The following ZNF341 variants were observed in gnomAD, a reference collection of about 807,000 sequenced individuals.
ZNF341 encodes zinc finger protein 341.
In ZNF341, 52 loss-of-function variants were observed where a neutral mutation model predicts 87.7. The observed-to-expected ratio is 0.59, with a 90% confidence interval of 0.47 to 0.75. The LOEUF (loss-of-function observed/expected upper bound fraction) is 0.75, where lower values mean the gene tolerates loss of function less well. Ranked by LOEUF, ZNF341 falls within the 30% of genes least tolerant of loss-of-function variation. ZNF341 has a pLI of 0.00. For synonymous variants in ZNF341, 459 were observed against 472.7 expected (o/e 0.97, Z 0.38); for missense variants, 977 against 1,145.9 (o/e 0.85, Z 2.13).
chr20:33,737,570 C>G (rs1192899769), intron 1 of ZNF341, among the ~76,000 whole-genome samples: 1 of 152,174 alleles, frequency 6.6e-6, no homozygotes, highest in African/African-American at 2.4e-5. Flanking sequence ...ATCTGCCCAC[C>G]TTGGCCTCCC....
At chr20:33,782,084 A>C (rs865800974) in intron 11 of ZNF341, among the ~76,000 whole-genome samples, 1 of 152,168 alleles carries the variant, frequency 6.6e-6, no homozygotes, top group Non-Finnish European at 1.5e-5. Context: ...TTGGGATTAC[A>C]GGTATGAGCC....
Position 33,732,164 on chromosome 20 carries a change from G to C in ZNF341, c.31+112G>C, listed in dbSNP as rs1435731528. ...CAGCGGCCGCGGGGCGGAGGGCGCCGGGGCTGGAACAGCCGCGGGGCGGGA... is the reference window on the plus strand; with the variant it reads ...CAGCGGCCGCGGGGCGGAGGGCGCCCGGGCTGGAACAGCCGCGGGGCGGGA... On this transcript the variant is annotated intron_variant, in intron 1 of 14. Transcript: ENST00000375200. The surrounding 1 kb of genome is among the most constrained non-coding windows in gnomAD (Gnocchi z 4.5). 1 of 887,566 alleles carries C rather than the reference G, an allele frequency of 1.1e-6. No homozygotes were observed. Among genetic ancestry groups the C allele is most frequent in the Non-Finnish European group, 1.3e-6 (1 of 740,904 alleles). The allele number at this position is 887,566 out of a possible 1,614,324, so 55.0% of individuals were successfully genotyped here.
rs767175423 is a variant in ZNF341 at position 33,757,223 on chromosome 20, C to T, written c.817C>T (p.Pro273Ser). 1.2e-6 allele frequency: 2 copies of T among 1,601,916 alleles called. No homozygotes were observed. Among genetic ancestry groups the T allele is most frequent in the Non-Finnish European group, 8.5e-7 (1 of 1,175,042 alleles). ...VYSPGKQGFK[P>S]KGPNPAAPMT... ...CAGCCCTGGCAAACAGGGATTCAAA[C>T]CCAAAGGACCAAACCCCGCCGCCCC... The change falls in exon 6 of 15, where the codon CCC (proline) becomes TCC (serine). Residue 273 changes from proline (P) to serine (S), a missense_variant. By Grantham distance (74) the Pro-to-Ser change is moderately conservative. Coordinates refer to ENST00000375200, the MANE Select transcript of ZNF341 (RefSeq NM_001282933.2).
chr20:33,748,801 T>C, intron 3 of ZNF341, 122 bp from the exon 4 acceptor site: 1 of 946,366 alleles, frequency 1.1e-6, no homozygotes. Flanking sequence ...CTGGATCTTT[T>C]GTGCCATGCC....
At chr20:33,744,198 G>A (rs919896013) in intron 2 of ZNF341, among the ~76,000 whole-genome samples, 2 of 151,860 alleles carry the variant, frequency 1.3e-5, no homozygotes, top group African/African-American at 4.8e-5. Context: ...CAGGAGAATC[G>A]CATGAATATG....
intron 3 of ZNF341, among the ~76,000 whole-genome samples, chr20:33,748,559 G>T (rs530420212): frequency 1.3e-5 from 2 of 151,990 alleles, no homozygotes; most frequent in East Asian, 3.9e-4. Context: ...GTAGAGACAG[G>T]GTTTCACCAT....
intron 1 of ZNF341, among the ~76,000 whole-genome samples, chr20:33,739,783 C>G (rs536234616): frequency 6.6e-6 from 1 of 152,250 alleles, no homozygotes; most frequent in African/African-American, 2.4e-5. Flanking sequence ...AAGGTTATTT[C>G]TTTCACATGA....
At chr20:33,770,821 A>G (rs1224996670) in intron 10 of ZNF341, among the ~76,000 whole-genome samples, 1 of 152,156 alleles carries the variant, frequency 6.6e-6, no homozygotes, top group African/African-American at 2.4e-5. Context: ...AATAAAATAC[A>G]TTTTAAAATG....
intron 12 of ZNF341, among the ~76,000 whole-genome samples, chr20:33,784,280 C>T: frequency 4.0e-5 from 1 of 24,828 alleles, no homozygotes; most frequent in Non-Finnish European, 8.1e-5. Flanking sequence ...ATCTCCCTCA[C>T]CCTCCCCATC....
intron 14 of ZNF341, 51 bp downstream of exon 14, chr20:33,789,639 T>C: frequency 1.9e-6 from 3 of 1,586,784 alleles, no homozygotes; most frequent in Non-Finnish European, 1.7e-6. Flanking sequence ...TCTAGTTCAC[T>C]GGGATAGACC....
chr20:33,775,606 A>G (rs981136763), intron 10 of ZNF341, among the ~76,000 whole-genome samples: 1 of 151,878 alleles, frequency 6.6e-6, no homozygotes, highest in African/African-American at 2.4e-5. Flanking sequence ...GTGAACAGGA[A>G]TTCTCCATCC....
chr20:33,760,202 A>G (rs2019263658), intron 7 of ZNF341, among the ~76,000 whole-genome samples: 1 of 152,184 alleles, frequency 6.6e-6, no homozygotes, highest in South Asian at 2.1e-4. Context: ...CAGGAGTTCA[A>G]GACCAGCCTG....
rs1173912020 is a variant in ZNF341 at position 33,791,250 on chromosome 20, C to G, written c.2298C>G (p.Pro766=). 2 of 1,611,878 alleles carry G rather than the reference C, an allele frequency of 1.2e-6. No homozygotes were observed. The highest frequency in any genetic ancestry group is 1.7e-6 in the Non-Finnish European group (2 of 1,179,532). ...GTGGTGGGCGCAAGGTGCTGACCCCCTTGCCTGACCCGCTGGGGCTGGAGG... is the reference window on the plus strand; with the variant it reads ...GTGGTGGGCGCAAGGTGCTGACCCCGTTGCCTGACCCGCTGGGGCTGGAGG... ...CGSGGRKVLT[P]LPDPLGLEEL... Residue 766 remains proline (P), a synonymous_variant, in exon 15 of 15, where the codon CCC becomes CCG. Transcript: ENST00000375200.
chr20:33,767,064 G>T (rs1426192764), intron 9 of ZNF341, 23 bp downstream of exon 9: 1 of 1,600,554 alleles, frequency 6.2e-7, no homozygotes, highest in Non-Finnish European at 8.5e-7. Flanking sequence ...TGGCAGCAGG[G>T]GCCCACACCA....
At chr20:33,762,654 T>C (rs1336784319) in intron 8 of ZNF341, among the ~76,000 whole-genome samples, 1 of 152,064 alleles carries the variant, frequency 6.6e-6, no homozygotes, top group Non-Finnish European at 1.5e-5. Flanking sequence ...CTGCATGCAT[T>C]CGGTATTTGT....
At chr20:33,783,932 TTC>T in intron 12 of ZNF341, 68 bp downstream of exon 12, 2 of 1,408,176 alleles carry the variant, frequency 1.4e-6, no homozygotes, top group Non-Finnish European at 1.9e-6. Flanking sequence ...CCTCATGCCT[TTC>T]TCTCTCTTCC....
At chr20:33,748,836 A>C in intron 3 of ZNF341, 87 bp from the exon 4 acceptor site, 1 of 1,344,462 alleles carries the variant, frequency 7.4e-7, no homozygotes, top group Admixed American at 2.1e-5. Flanking sequence ...AGAGCCTGAC[A>C]TGTCCACACA....
chr20:33,755,216 A>G (rs2019152849), intron 5 of ZNF341, among the ~76,000 whole-genome samples: 1 of 152,224 alleles, frequency 6.6e-6, no homozygotes, highest in Non-Finnish European at 1.5e-5. Flanking sequence ...AAGTGCTGGG[A>G]TTACAGGCAT....
chr20:33,789,490 C>A lies in ZNF341; in HGVS notation c.1965-28C>A, dbSNP rs74542348. The A allele has an allele frequency of 1.6e-3, 2,620 of 1,613,166 alleles. 40 individuals are homozygous for A. In the African/African-American group the frequency reaches 0.027, roughly 17 times the overall value. On this transcript the variant is annotated intron_variant, in intron 13 of 14. Transcript: ENST00000375200. ...AAGAGGATCCTAAGCTTGGTGAGCT[C>A]CCCCTGACCAGTGGCTTTGGGTTTT... is the stretch of plus-strand genomic sequence containing the variant.
Sources: gnomAD v4.1 joint callset for allele counts (sites outside exome capture counted in the v4.1 genomes callset) on GRCh38, gnomAD v4.1.1 for gene constraint, Gnocchi (gnomAD v3.1) non-coding constraint, MANE v1.5 for transcripts, NCBI Gene and HGNC (gene_info 2026-07-23, HGNC 2026-07-21) for gene names.